Variants in DNAJC17 observed in about 807,000 individuals in gnomAD.
DNAJC17 encodes the protein DnaJ heat shock protein family (Hsp40) member C17, also known as dnaJ homolog subfamily C member 17.
Under a neutral mutation model 48.1 loss-of-function variants are expected in DNAJC17, and 35 were observed. The ratio of observed to expected loss-of-function variants is 0.73; its 90% CI spans 0.56 to 0.96. The LOEUF is 0.96. Among genes scored for constraint, DNAJC17 ranks in the 50% least tolerant of loss-of-function variants. The pLI is 0.00. For synonymous variants in DNAJC17, 117 were observed against 142.7 expected (o/e 0.82, Z 1.28); for missense variants, 355 against 377.1 (o/e 0.94, Z 0.48).
intron 1 of DNAJC17, among the ~76,000 whole-genome samples, chr15:40,781,688 G>A (rs570552636): frequency 2.3e-4 from 35 of 152,026 alleles, no homozygotes; most frequent in African/African-American, 8.0e-4. Flanking sequence ...TTGGGAGGCC[G>A]AGACAGGTGG....
Position 40,767,792 on chromosome 15 carries a change from G to C in DNAJC17, c.*148C>G. 1 of 1,206,254 alleles carries C rather than the reference G, an allele frequency of 8.3e-7. No individual in the cohort carries two copies. Among genetic ancestry groups the C allele is most frequent in the South Asian group, 1.6e-5 (1 of 62,958 alleles). 74.7% of individuals were successfully genotyped at this position (1,206,254 alleles called of 1,614,324 possible). ...CCCTGGGGGTCTGCCCACTTCCTGG[G>C]AGGGGCGCCAGGCCTGGGTGGAGCG... On this transcript the variant is annotated 3_prime_UTR_variant, in exon 11 of 11. Coordinates refer to ENST00000220496, the MANE Select transcript of DNAJC17 (RefSeq NM_018163.3).
rs113645810 is a variant in DNAJC17, at chr15:40,774,913, G to GAA, written c.600+116_600+117dup. Reference sequence around the variant, plus strand: ...AAGACGTCCCATGGTCTATGAGACAGAAAAAAAAAGCAAGTAGATATGTTA... The same window carrying GAA: ...AAGACGTCCCATGGTCTATGAGACAGAAAAAAAAAAAGCAAGTAGATATGTTA... On this transcript the variant is annotated intron_variant, in intron 8 of 10. Coordinates refer to ENST00000220496, the MANE Select transcript of DNAJC17 (RefSeq NM_018163.3). 1.3e-5 allele frequency: 14 copies of GAA among 1,066,276 alleles called. No homozygotes were observed. The African/African-American group carries it at 2.1e-4, about 16-fold the overall frequency. 66.1% of individuals were successfully genotyped at this position (1,066,276 alleles called of 1,614,324 possible). A position where few individuals can be genotyped will look rare whatever the true frequency, so the allele number is the denominator to read the frequency against.
At chr15:40,806,871 G>C (rs529705932) in intron 1 of DNAJC17, among the ~76,000 whole-genome samples, 80 of 150,060 alleles carry the variant, frequency 5.3e-4, no homozygotes, top group African/African-American at 2.0e-3. Context: ...GGCTTGAGTG[G>C]AAAAGAAAAT....
chr15:40,787,285 G>A (rs1017919906), intron 1 of DNAJC17, among the ~76,000 whole-genome samples: 3 of 152,218 alleles, frequency 2.0e-5, no homozygotes, highest in Admixed American at 2.0e-4. Flanking sequence ...GTCCAGAACA[G>A]TGAACAGCAC....
At chr15:40,775,519 T>G in intron 7 of DNAJC17, 34 bp downstream of exon 7, 1 of 1,611,264 alleles carries the variant, frequency 6.2e-7, no homozygotes, top group East Asian at 2.2e-5. Flanking sequence ...GCGGTGTGAG[T>G]GTGAGGTGGC....
intron 1 of DNAJC17, among the ~76,000 whole-genome samples, chr15:40,786,411 C>T (rs917107441): frequency 6.6e-6 from 1 of 152,188 alleles, no homozygotes; most frequent in Non-Finnish European, 1.5e-5. Flanking sequence ...CGCCTGTAAT[C>T]CCAGCATTTT....
At chr15:40,786,803 C>T (rs1889654936) in intron 1 of DNAJC17, among the ~76,000 whole-genome samples, 1 of 152,184 alleles carries the variant, frequency 6.6e-6, no homozygotes, top group African/African-American at 2.4e-5. Flanking sequence ...ATGTAAGCTC[C>T]GTGAGTACTT....
At position 40,775,015 on chromosome 15, in the gene DNAJC17, C is replaced by G. The variant is rs886555895; in HGVS notation, c.600+16G>C. 1.2e-6 allele frequency: 2 copies of G among 1,613,962 alleles called. No individual in the cohort carries two copies. The highest frequency in any genetic ancestry group is 2.2e-5 in the East Asian group (1 of 44,872). On this transcript the variant is annotated intron_variant, in intron 8 of 10. Coordinates refer to ENST00000220496, the MANE Select transcript of DNAJC17 (RefSeq NM_018163.3). The stretch of plus-strand genomic sequence containing the variant: ...GACTGAGATGATAGGAAAGAGTGGA[C>G]GTCAACAGGGCCGACCTTCTGCAAA...
chr15:40,774,818 G>C (rs1337766228), intron 8 of DNAJC17: 1 of 620,062 alleles, frequency 1.6e-6, no homozygotes, highest in Non-Finnish European at 2.8e-6. Flanking sequence ...GGTAGCAAAG[G>C]ACAGCGGGCT....
At chr15:40,775,663 C>G in intron 6 of DNAJC17, 67 bp from the exon 7 acceptor site, 4 of 1,517,678 alleles carry the variant, frequency 2.6e-6, no homozygotes, top group Non-Finnish European at 2.7e-6. Context: ...AAAGGAAATG[C>G]AGCCCAGAGC....
intron 5 of DNAJC17, 80 bp downstream of exon 5, chr15:40,776,462 C>A (rs915335564): frequency 4.5e-6 from 7 of 1,556,114 alleles, no homozygotes; most frequent in Non-Finnish European, 2.6e-6. Flanking sequence ...CCCTCTCTAG[C>A]CACGGCGACC....
In DNAJC17 at chr15:40,770,909, T is replaced by C; in HGVS notation, c.792+2818A>G. ...ACACTCCCTGCTTCCAGAGGACACC[T>C]ACCCCAGACCTCAGTGATCCCTTCC... On this transcript the variant is annotated intron_variant, in intron 10 of 10. Transcript: ENST00000220496. This position sits in a 1 kb window ranked among gnomAD's most constrained non-coding sequence, Gnocchi z 5.0. 4.5e-6 allele frequency: 7 copies of C among 1,551,510 alleles called. No individual in the cohort carries two copies. Among genetic ancestry groups the C allele is most frequent in the Non-Finnish European group, 6.1e-6 (7 of 1,146,988 alleles).
At chr15:40,771,344 G>A in intron 10 of DNAJC17, 1 of 391,006 alleles carries the variant, frequency 2.6e-6, no homozygotes, top group South Asian at 2.9e-5. Context: ...GCTCTGTGCG[G>A]CACTACAGGA....
At chr15:40,791,178 A>C (rs1889790760) in intron 1 of DNAJC17, among the ~76,000 whole-genome samples, 1 of 152,156 alleles carries the variant, frequency 6.6e-6, no homozygotes, top group Admixed American at 6.6e-5. Flanking sequence ...CCTCTAAAAA[A>C]CCATAATAAA....
chr15:40,802,602 C>T (rs1890103077), intron 1 of DNAJC17, among the ~76,000 whole-genome samples: 1 of 152,134 alleles, frequency 6.6e-6, no homozygotes. Context: ...TGGTGCTCAT[C>T]ACTACCACTG....
chr15:40,786,730 T>C (rs1010166819), intron 1 of DNAJC17, among the ~76,000 whole-genome samples: 2 of 152,224 alleles, frequency 1.3e-5, no homozygotes, highest in African/African-American at 4.8e-5. Context: ...ATCCAGATCA[T>C]GGCTTTTCAG....
rs184733065 is a variant in DNAJC17 at position 40,767,011 on chromosome 15, C to T, written c.*929G>A. ...TCTATCAATGGCCACAACAGTGGCA[C>T]CTTCACTAGCTTGTTGGGAAGAATA... On this transcript the variant is annotated 3_prime_UTR_variant, in exon 11 of 11. Transcript: ENST00000220496. The T allele has an allele frequency of 4.9e-6, 2 of 404,558 alleles. No individual in the cohort carries two copies. Among genetic ancestry groups the T allele is most frequent in the African/African-American group, 2.1e-5 (1 of 48,634 alleles). The allele number at this position is 404,558 out of a possible 1,614,324, so 25.1% of individuals were successfully genotyped here.
At position 40,770,651 on chromosome 15, in the gene DNAJC17, CCGGG is replaced by C. The variant is rs886249751; in HGVS notation, c.793-2593_793-2590del. The C allele has an allele frequency of 1.0e-5, 16 of 1,549,960 alleles. No individual in the cohort carries two copies. Among genetic ancestry groups the C allele is most frequent in the Non-Finnish European group, 1.4e-5 (16 of 1,146,972 alleles). ...AGGAGTACAGCAACCGAGAAGTCAT[CCGGG>C]AGCTACAAGGGAGGCCAGATGGCCG... is the stretch of plus-strand genomic sequence containing the variant. On this transcript the variant is annotated intron_variant, in intron 10 of 10. Coordinates refer to ENST00000220496, the MANE Select transcript of DNAJC17 (RefSeq NM_018163.3). The surrounding 1 kb of genome is among the most constrained non-coding windows in gnomAD (Gnocchi z 5.0).
chr15:40,780,039 C>T, intron 1 of DNAJC17, 42 bp from the exon 2 acceptor site: 2 of 1,596,072 alleles, frequency 1.3e-6, no homozygotes, highest in Non-Finnish European at 1.7e-6. Context: ...CACTCTCATC[C>T]CAGGGACAAA....
Sources: allele counts gnomAD v4.1 joint callset (sites outside exome capture counted in the v4.1 genomes callset), GRCh38; gene constraint gnomAD v4.1.1; non-coding constraint Gnocchi (gnomAD v3.1); transcripts MANE v1.5; gene names NCBI Gene and HGNC (gene_info 2026-07-23, HGNC 2026-07-21).